The following SRBD1 variants were observed in gnomAD, a reference collection of about 807,000 sequenced individuals.
SRBD1 encodes S1 RNA-binding domain-containing protein 1.
SRBD1 carries 88 observed loss-of-function variants against 115.3 expected under a neutral mutation model. The ratio of observed to expected loss-of-function variants is 0.76; its 90% CI spans 0.64 to 0.91. The LOEUF (loss-of-function observed/expected upper bound fraction) is 0.91. SRBD1 is among the 40% of genes least tolerant of loss of function. SRBD1 has a pLI of 0.00. For synonymous variants in SRBD1, 509 were observed against 407.7 expected, an observed-to-expected ratio of 1.25 and a Z score of -2.99; for missense variants, 1,385 against 1,177.4, an observed-to-expected ratio of 1.18 and a Z score of -2.58.
At chr2:45,455,517 G>A (rs764609138) in intron 16 of SRBD1, among the ~76,000 whole-genome samples, 1 of 151,764 alleles carries the variant, frequency 6.6e-6, no homozygotes, top group Non-Finnish European at 1.5e-5. Context: ...AACTTGACAT[G>A]TGTAATCTTT....
intron 16 of SRBD1, among the ~76,000 whole-genome samples, chr2:45,424,221 C>T (rs564096921): frequency 2.6e-5 from 4 of 152,192 alleles, no homozygotes; most frequent in African/African-American, 9.6e-5. Context: ...ATTTAGTTGC[C>T]TCATACTTTG....
intron 16 of SRBD1, among the ~76,000 whole-genome samples, chr2:45,446,777 C>A (rs1310723604): frequency 6.6e-6 from 1 of 151,452 alleles, no homozygotes; most frequent in Non-Finnish European, 1.5e-5. Context: ...ATAGGTCGCT[C>A]TCAAAGGAAT....
intron 15 of SRBD1, among the ~76,000 whole-genome samples, chr2:45,481,611 T>C (rs1370595647): frequency 2.0e-5 from 3 of 152,116 alleles, no homozygotes; most frequent in Non-Finnish European, 4.4e-5. Context: ...ATTTTTATTC[T>C]CAGGCATACA....
At chr2:45,453,996 T>C (rs1411171596) in intron 16 of SRBD1, among the ~76,000 whole-genome samples, 1 of 151,964 alleles carries the variant, frequency 6.6e-6, no homozygotes, top group African/African-American at 2.4e-5. Context: ...AACATTCTTA[T>C]ATACACAGTC....
chr2:45,537,464 A>G (rs575679132), intron 14 of SRBD1, among the ~76,000 whole-genome samples: 5 of 152,166 alleles, frequency 3.3e-5, no homozygotes, highest in Admixed American at 1.3e-4. Flanking sequence ...CCCAGCACAC[A>G]ATACTGTGCC....
At chr2:45,487,638 TTTA>T (rs1670160081) in intron 15 of SRBD1, among the ~76,000 whole-genome samples, 1 of 151,998 alleles carries the variant, frequency 6.6e-6, no homozygotes, top group African/African-American at 2.4e-5. Flanking sequence ...CTTAGGATCT[TTTA>T]TTATTAATAT....
At chr2:45,532,808 C>T (rs1338951135) in intron 14 of SRBD1, among the ~76,000 whole-genome samples, 1 of 148,108 alleles carries the variant, frequency 6.8e-6, no homozygotes, top group Non-Finnish European at 1.5e-5. Context: ...CGACCCCCCA[C>T]TGCAGCCAAA....
At chr2:45,413,432 A>G in intron 18 of SRBD1, 139 bp from the exon 19 acceptor site, 2 of 955,202 alleles carry the variant, frequency 2.1e-6, no homozygotes, top group Non-Finnish European at 3.0e-6. Context: ...ACTTCATAGA[A>G]ACTACCACTT....
chr2:45,519,842 C>A (rs953000248), intron 14 of SRBD1, among the ~76,000 whole-genome samples: 3 of 152,048 alleles, frequency 2.0e-5, no homozygotes, highest in African/African-American at 7.2e-5. Context: ...TCATTTAATC[C>A]TTGCAACAAC....
chr2:45,479,523 G>C (rs916076098), intron 15 of SRBD1, among the ~76,000 whole-genome samples: 1 of 152,196 alleles, frequency 6.6e-6, no homozygotes, highest in South Asian at 2.1e-4. Flanking sequence ...TTAAGCCAAA[G>C]TGTAATCCTG....
chr2:45,464,685 G>T (rs779878599), intron 16 of SRBD1, among the ~76,000 whole-genome samples: 5 of 152,060 alleles, frequency 3.3e-5, no homozygotes, highest in Admixed American at 6.6e-5. Flanking sequence ...CTAAACCCAA[G>T]GGCTTGAAAT....
chr2:45,529,427 T>C (rs1327506166), intron 14 of SRBD1, among the ~76,000 whole-genome samples: 1 of 151,900 alleles, frequency 6.6e-6, no homozygotes, highest in Non-Finnish European at 1.5e-5. Flanking sequence ...TCTGCTTTCT[T>C]TATCCACTTC....
intron 19 of SRBD1, among the ~76,000 whole-genome samples, chr2:45,403,183 G>C (rs1208213881): frequency 6.6e-6 from 1 of 152,108 alleles, no homozygotes; most frequent in East Asian, 1.9e-4. Flanking sequence ...GTTTGGGGAG[G>C]TCTTGAAATT....
At chr2:45,524,511 T>C (rs1052097382) in intron 14 of SRBD1, among the ~76,000 whole-genome samples, 3 of 151,642 alleles carry the variant, frequency 2.0e-5, no homozygotes, top group African/African-American at 7.3e-5. Flanking sequence ...CAAGAAACAA[T>C]TAAAAAAATG....
Position 45,389,346 on chromosome 2 carries a change from T to C in SRBD1, c.2952A>G (p.Arg984=). The change falls in exon 21 of 21, where the codon CGA becomes CGG. Residue 984 remains arginine (R), a synonymous_variant. Transcript: ENST00000263736. ...EVQVLNIDIP[R]SRITLDLIRV... ...GAATGAGGTCCAGAGTAATCCTAGA[T>C]CGGGGGATGTCAATGTTGAGTACTT... 2 of 1,614,002 alleles carry C rather than the reference T, an allele frequency of 1.2e-6. No individual in the cohort carries two copies. Among genetic ancestry groups the C allele is most frequent in the South Asian group, 2.2e-5 (2 of 91,078 alleles).
intron 4 of SRBD1, among the ~76,000 whole-genome samples, chr2:45,596,098 T>C (rs1673886027): frequency 6.6e-6 from 1 of 152,236 alleles, no homozygotes; most frequent in African/African-American, 2.4e-5. Flanking sequence ...AAATAGTTCT[T>C]GTGCCTTTAA....
intron 7 of SRBD1, among the ~76,000 whole-genome samples, chr2:45,577,014 C>T (rs13412964): frequency 0.16 from 24,477 of 152,044 alleles, 2,997 homozygotes; most frequent in African/African-American, 0.34. Context: ...ATACCAGGTA[C>T]TTGTTAAAAC....
Position 45,507,296 on chromosome 2 carries a change from G to C in SRBD1, c.1875-18965C>G, listed in dbSNP as rs1291894679. On this transcript the variant is annotated intron_variant, in intron 14 of 20. Transcript: ENST00000263736. ...TCAGTTTTTTTCAATCCACAGAAAA[G>C]CAAGCAGACAAACCAAGGCACTTAA... Among the ~76,000 whole-genome samples the C allele has an allele frequency of 2.6e-5, 4 of 152,130 alleles. No individual in the cohort carries two copies. In the East Asian group the frequency reaches 7.7e-4, roughly 29 times the overall value.
rs768239735 is a variant in SRBD1, at chr2:45,392,896, TG to T, written c.2698+48del. The stretch of plus-strand genomic sequence containing the variant: ...TTGCTGTGAGGATCAAAGGAGATAA[TG>T]GGAGCTATGCAAATGCAAGGTGCTA... On this transcript the variant is annotated intron_variant, in intron 20 of 20. Transcript: ENST00000263736. 2.7e-6 allele frequency: 4 copies of T among 1,498,520 alleles called. No individual in the cohort carries two copies. In the African/African-American group the frequency reaches 5.6e-5, roughly 21 times the overall value. The allele number at this position is 1,498,520 out of a possible 1,614,324, so 92.8% of individuals were successfully genotyped here. A position where few individuals can be genotyped will look rare whatever the true frequency, so the allele number is the denominator to read the frequency against.
Sources: gnomAD v4.1 joint callset for allele counts (sites outside exome capture counted in the v4.1 genomes callset) on GRCh38, gnomAD v4.1.1 for gene constraint, MANE v1.5 for transcripts, NCBI Gene and HGNC (gene_info 2026-07-23, HGNC 2026-07-21) for gene names.